The following SLC38A8 variants were observed in gnomAD, a reference collection of about 807,000 sequenced individuals.
SLC38A8 encodes the protein amino acid transporter SLC38A8.
In SLC38A8, 65 loss-of-function variants were observed where a neutral mutation model predicts 46.0. The ratio of observed to expected loss-of-function variants is 1.41; its 90% CI spans 1.16 to 1.74. The LOEUF (loss-of-function observed/expected upper bound fraction) is 1.74. SLC38A8 is among the 40% of genes most tolerant of loss of function. The pLI is 0.00. For missense variants in SLC38A8, 998 were observed against 567.9 expected, an observed-to-expected ratio of 1.76 and a Z score of -7.70; for synonymous variants, 447 against 243.7, an observed-to-expected ratio of 1.83 and a Z score of -7.77.
At chr16:84,020,398 A>T (rs2085081507) in intron 7 of SLC38A8, among the ~76,000 whole-genome samples, 1 of 152,120 alleles carries the variant, frequency 6.6e-6, no homozygotes, top group Non-Finnish European at 1.5e-5. Context: ...CTTTCACCTC[A>T]GCCTCCCAAA....
rs12598183 is a variant in SLC38A8 at position 84,012,470 on chromosome 16, G to A, written c.1214+531C>T. ...CATGGGGCCTGGGAGCCAGGGGCCT[G>A]GGTTGCATCCTAGCTCTGTCCTCAC... is the stretch of plus-strand genomic sequence containing the variant. On this transcript the variant is annotated intron_variant, in intron 10 of 10. Transcript: ENST00000299709. Among the ~76,000 whole-genome samples, 62 of 152,310 alleles carry A rather than the reference G, an allele frequency of 4.1e-4. 1 individual carries two copies. The East Asian group carries it at 0.011, about 27-fold the overall frequency.
intron 9 of SLC38A8, among the ~76,000 whole-genome samples, chr16:84,014,441 C>T (rs570839698): frequency 9.9e-5 from 15 of 152,012 alleles, no homozygotes; most frequent in Non-Finnish European, 1.8e-4. Flanking sequence ...CACCCCTCAC[C>T]TCTGAAAGCC....
At chr16:84,019,358 G>A (rs142244504) in intron 7 of SLC38A8, among the ~76,000 whole-genome samples, 26 of 152,214 alleles carry the variant, frequency 1.7e-4, no homozygotes, top group Non-Finnish European at 3.5e-4. Flanking sequence ...ACAAGCATGA[G>A]CCACCGCACC....
chr16:84,040,743 C>T (rs1171826978), intron 2 of SLC38A8, among the ~76,000 whole-genome samples: 1 of 152,214 alleles, frequency 6.6e-6, no homozygotes, highest in Non-Finnish European at 1.5e-5. Flanking sequence ...GAGAGGCTTC[C>T]GACCACGCCA....
intron 9 of SLC38A8, among the ~76,000 whole-genome samples, chr16:84,013,437 T>TTTGTTGTTG (rs2084981246): frequency 7.5e-6 from 1 of 132,874 alleles, no homozygotes; most frequent in African/African-American, 2.7e-5. Flanking sequence ...TTTTTTTTTT[T>TTTGTTGTTG]TTTTTTTTTT....
At chr16:84,025,780 C>T (rs945013850) in intron 6 of SLC38A8, among the ~76,000 whole-genome samples, 1 of 152,242 alleles carries the variant, frequency 6.6e-6, no homozygotes, top group Non-Finnish European at 1.5e-5. Flanking sequence ...GGCACAGTGG[C>T]CTCCTCCCTC....
chr16:84,039,960 T>C (rs1305080552), intron 2 of SLC38A8: 1 of 152,166 alleles, frequency 6.6e-6, no homozygotes, highest in East Asian at 1.9e-4. Context: ...CCCATCCAAG[T>C]ACTAATCGCG....
intron 2 of SLC38A8, 147 bp from the exon 3 acceptor site, chr16:84,037,047 T>C: frequency 1.3e-6 from 1 of 770,090 alleles, no homozygotes; most frequent in South Asian, 1.7e-5. Flanking sequence ...GTCTACCAGC[T>C]ATGTCACTGC....
chr16:84,014,410 G>A (rs113469545), intron 9 of SLC38A8, among the ~76,000 whole-genome samples: 38 of 151,310 alleles, frequency 2.5e-4, no homozygotes, highest in African/African-American at 8.7e-4. Flanking sequence ...CTCAGAGCAT[G>A]CAGGAGCAGC....
At chr16:84,037,707 G>A (rs2085316780) in intron 2 of SLC38A8, among the ~76,000 whole-genome samples, 1 of 150,638 alleles carries the variant, frequency 6.6e-6, no homozygotes, top group African/African-American at 2.4e-5. Flanking sequence ...GTTGCAGTGA[G>A]CCAAAATTGT....
intron 7 of SLC38A8, among the ~76,000 whole-genome samples, chr16:84,017,858 A>G (rs752215208): frequency 6.6e-6 from 1 of 152,140 alleles, no homozygotes; most frequent in African/African-American, 2.4e-5. Context: ...CTTCTCTGCA[A>G]GCCCTTTCTG....
chr16:84,015,793 C>T (rs1464769544), intron 9 of SLC38A8, among the ~76,000 whole-genome samples: 3 of 152,178 alleles, frequency 2.0e-5, no homozygotes, highest in East Asian at 1.9e-4. Flanking sequence ...GCAACCTCCG[C>T]CTCCCGGGTT....
intron 6 of SLC38A8, among the ~76,000 whole-genome samples, chr16:84,023,977 G>C (rs369510057): frequency 1.3e-5 from 2 of 152,194 alleles, no homozygotes; most frequent in African/African-American, 4.8e-5. Context: ...TTCTACACCA[G>C]GGTTTCTCAG....
At chr16:84,037,660 C>G (rs996636603) in intron 2 of SLC38A8, among the ~76,000 whole-genome samples, 2 of 151,832 alleles carry the variant, frequency 1.3e-5, no homozygotes, top group Non-Finnish European at 2.9e-5. Flanking sequence ...ACTCATGAGG[C>G]TGAGGCAGCA....
intron 6 of SLC38A8, among the ~76,000 whole-genome samples, chr16:84,023,856 T>A (rs998541523): frequency 6.6e-6 from 1 of 152,202 alleles, no homozygotes; most frequent in African/African-American, 2.4e-5. Context: ...ATCGTGCCAC[T>A]GCACTCCAGC....
intron 9 of SLC38A8, 80 bp downstream of exon 9, chr16:84,016,439 G>C: frequency 1.3e-6 from 2 of 1,509,496 alleles, no homozygotes; most frequent in Non-Finnish European, 1.8e-6. Context: ...CCAGAACCTT[G>C]ACCTCCAACA....
intron 10 of SLC38A8, among the ~76,000 whole-genome samples, chr16:84,011,216 G>A (rs1480537342): frequency 1.3e-5 from 2 of 152,212 alleles, no homozygotes; most frequent in East Asian, 1.9e-4. Context: ...TGATGTATTA[G>A]AAGGACCCAA....
intron 6 of SLC38A8, among the ~76,000 whole-genome samples, chr16:84,026,771 C>G (rs1022960602): frequency 2.0e-5 from 3 of 152,134 alleles, no homozygotes; most frequent in Non-Finnish European, 2.9e-5. Flanking sequence ...ACCAACACGG[C>G]GGGGGAGGGA....
intron 10 of SLC38A8, among the ~76,000 whole-genome samples, chr16:84,012,439 G>C (rs954580465): frequency 6.6e-6 from 1 of 152,222 alleles, no homozygotes; most frequent in Non-Finnish European, 1.5e-5. Flanking sequence ...CAGGCAGGTG[G>C]GTTAGCATGG....
Sources: gnomAD v4.1 joint callset for allele counts (sites outside exome capture counted in the v4.1 genomes callset) on GRCh38, gnomAD v4.1.1 for gene constraint, MANE v1.5 for transcripts, NCBI Gene and HGNC (gene_info 2026-07-23, HGNC 2026-07-21) for gene names.